ZSCAN18: variants seen among roughly 807,000 people sequenced by gnomAD.
ZSCAN18 encodes zinc finger and SCAN domain-containing protein 18.
A neutral mutation model predicts 31.1 loss-of-function variants in ZSCAN18; 16 were observed. The observed-to-expected ratio is 0.51, with a 90% confidence interval of 0.35 to 0.78. The LOEUF is 0.78. Among genes scored for constraint, ZSCAN18 ranks in the 30% least tolerant of loss-of-function variants. The pLI is 0.01. For missense variants in ZSCAN18, 731 were observed against 697.4 expected, an observed-to-expected ratio of 1.05 and a Z score of -0.54; for synonymous variants, 375 against 320.7, an observed-to-expected ratio of 1.17 and a Z score of -1.81.
At position 58,090,218 on chromosome 19, in the gene ZSCAN18, G is replaced by C. The variant is rs1307647767; in HGVS notation, c.50C>G (p.Pro17Arg). 6.2e-7 allele frequency: 1 copy of C among 1,613,634 alleles called. No homozygotes were observed. Among genetic ancestry groups the C allele is most frequent in the African/African-American group, 1.3e-5 (1 of 75,060 alleles). Residue 17 changes from proline to arginine, a missense_variant, in exon 2 of 7, where the codon CCG becomes CGG. Around this residue, in one of 4 missense-constraint regions of ZSCAN18, gnomAD observed 86 missense variants for 119.1 expected, o/e 0.72. Transcript: ENST00000601144. The surrounding 1 kb of genome is among the most constrained non-coding windows in gnomAD (Gnocchi z 4.7). ...TGACCCCGGCGTGGGCAGATCCGGC[G>C]GGGCTGGGGAGCTCCTGGGGGAGGC... is the stretch of plus-strand genomic sequence containing the variant. ...AFASPRSSPA[P>R]PDLPTPGSAA...
At chr19:58,107,925 T>C (rs182689586) in intron 1 of ZSCAN18, 222 of 1,075,890 alleles carry the variant, frequency 2.1e-4, no homozygotes, top group African/African-American at 2.0e-3. Context: ...ATTACACTCG[T>C]AGGGCTTCTC....
At chr19:58,086,709 C>T (rs185629103) in intron 5 of ZSCAN18, 197 bp downstream of exon 5, 249 of 569,282 alleles carry the variant, frequency 4.4e-4, no homozygotes, top group African/African-American at 4.0e-3. Context: ...CAGGCAGGGC[C>T]TGGGCAGAAC....
At chr19:58,109,978 G>C (rs951573141) in intron 1 of ZSCAN18, among the ~76,000 whole-genome samples, 1 of 152,196 alleles carries the variant, frequency 6.6e-6, no homozygotes, top group Non-Finnish European at 1.5e-5. Flanking sequence ...AATCTCCTAG[G>C]CTCCTCCCAC....
chr19:58,086,308 C>G, intron 5 of ZSCAN18, 42 bp from the exon 6 acceptor site: 6 of 1,575,912 alleles, frequency 3.8e-6, no homozygotes, highest in South Asian at 1.1e-5. Context: ...GGCATCAACA[C>G]AGAGTGGCTG....
intron 3 of ZSCAN18, 102 bp from the exon 4 acceptor site, chr19:58,087,506 G>T: frequency 9.7e-7 from 1 of 1,026,782 alleles, no homozygotes; most frequent in Non-Finnish European, 1.4e-6. Context: ...GCCCCAGTGT[G>T]CTTCTGTGAC....
chr19:58,110,985 A>T (rs1025741731), intron 1 of ZSCAN18, among the ~76,000 whole-genome samples: 1 of 152,032 alleles, frequency 6.6e-6, no homozygotes, highest in Non-Finnish European at 1.5e-5. Context: ...TGGCTAACAC[A>T]GTGAAACCCC....
intron 1 of ZSCAN18, among the ~76,000 whole-genome samples, chr19:58,117,913 C>A (rs1371837108): frequency 6.6e-6 from 1 of 151,920 alleles, no homozygotes; most frequent in Non-Finnish European, 1.5e-5. Context: ...GGAGTTGGCA[C>A]CGCACTGGGG....
At chr19:58,099,263 C>T (rs895451501), upstream of ZSCAN18, among the ~76,000 whole-genome samples, 2 of 152,146 alleles carry the variant, frequency 1.3e-5, no homozygotes, top group Non-Finnish European at 2.9e-5. Flanking sequence ...GGTAGTCACT[C>T]CCTCCCCACC....
intron 1 of ZSCAN18, among the ~76,000 whole-genome samples, chr19:58,095,540 G>A (rs1479439317): frequency 6.6e-6 from 1 of 152,190 alleles, no homozygotes; most frequent in African/African-American, 2.4e-5. Context: ...CTCCACAGTG[G>A]GCAGATCCCA....
chr19:58,112,317 G>T (rs1206888769), intron 1 of ZSCAN18, among the ~76,000 whole-genome samples: 4 of 152,102 alleles, frequency 2.6e-5, no homozygotes, highest in Admixed American at 2.0e-4. Context: ...TTACAGGTGT[G>T]AGCCATTGCG....
intron 6 of ZSCAN18, chr19:58,085,775 G>C (rs894512707): frequency 7.3e-5 from 23 of 316,410 alleles, no homozygotes; most frequent in African/African-American, 4.3e-4. Flanking sequence ...GAAGAGAGTG[G>C]GGTCAATAGC....
chr19:58,084,976 G>T lies in ZSCAN18; in HGVS notation c.1242C>A (p.Ala414=). Residue 414 remains alanine (A), a synonymous_variant, in exon 7 of 7, where the codon GCC becomes GCA. Transcript: ENST00000601144. The surrounding 1 kb of genome is among the most constrained non-coding windows in gnomAD (Gnocchi z 4.5). Reference sequence around the variant, plus strand: ...CGAAGGCCTCCCCGCACTCGCCGCAGGCATAGGGCTTCCCGCGGGACAAGC... The same window carrying T: ...CGAAGGCCTCCCCGCACTCGCCGCATGCATAGGGCTTCCCGCGGGACAAGC... ...EPGLSRGKPY[A]CGECGEAFAW... 1 of 1,599,680 alleles carries T rather than the reference G, an allele frequency of 6.3e-7. No individual in the cohort carries two copies. The highest frequency in any genetic ancestry group is 8.5e-7 in the Non-Finnish European group (1 of 1,174,568).
chr19:58,089,534 G>A (rs943426413), intron 2 of ZSCAN18, among the ~76,000 whole-genome samples: 1 of 152,158 alleles, frequency 6.6e-6, no homozygotes, highest in Non-Finnish European at 1.5e-5. Flanking sequence ...GCTGAGGCAG[G>A]AGAATTGCTT....
chr19:58,105,435 G>C (rs754309548), intron 1 of ZSCAN18, among the ~76,000 whole-genome samples: 2 of 152,158 alleles, frequency 1.3e-5, no homozygotes, highest in African/African-American at 2.4e-5. Flanking sequence ...GCTGAGACAG[G>C]TGGATCACGA....
intron 1 of ZSCAN18, among the ~76,000 whole-genome samples, chr19:58,104,025 C>T (rs1430983415): frequency 6.6e-6 from 1 of 152,184 alleles, no homozygotes; most frequent in African/African-American, 2.4e-5. Flanking sequence ...TAATCCAGAG[C>T]AAGGTCCTGA....
intron 1 of ZSCAN18, among the ~76,000 whole-genome samples, chr19:58,111,570 G>A (rs2074683960): frequency 6.7e-6 from 1 of 150,140 alleles, no homozygotes; most frequent in Non-Finnish European, 1.5e-5. Flanking sequence ...TCACTATGTT[G>A]TCCAGGCTGG....
intron 1 of ZSCAN18, chr19:58,108,056 T>A: frequency 1.0e-6 from 1 of 1,003,026 alleles, no homozygotes; most frequent in Non-Finnish European, 1.2e-6. Flanking sequence ...AGGTACATAA[T>A]CTCAGTGAAA....
At position 58,084,665 on chromosome 19, in the gene ZSCAN18, G is replaced by A. The variant is rs1450733668; in HGVS notation, c.*20C>T. The A allele has an allele frequency of 3.0e-5, 44 of 1,461,150 alleles. No individual in the cohort carries two copies. The highest frequency in any genetic ancestry group is 3.9e-5 in the Non-Finnish European group (44 of 1,114,286). The allele number at this position is 1,461,150 out of a possible 1,614,324, so 90.5% of individuals were successfully genotyped here. On this transcript the variant is annotated 3_prime_UTR_variant, in exon 7 of 7. Transcript: ENST00000601144. The surrounding 1 kb of genome is among the most constrained non-coding windows in gnomAD (Gnocchi z 4.5). ...CACGGCCGGCAAAGCGGCCCCTCCG[G>A]AACGGGACAGCACAGCGGCTCACCT...
Position 58,084,462 on chromosome 19 carries a change from T to C in ZSCAN18, c.*223A>G. The C allele has an allele frequency of 4.3e-6, 2 of 462,210 alleles. No individual in the cohort carries two copies. The highest frequency in any genetic ancestry group is 5.7e-5 in the South Asian group (1 of 17,648). 28.6% of individuals were successfully genotyped at this position (462,210 alleles called of 1,614,324 possible). A position where few individuals can be genotyped will look rare whatever the true frequency, so the allele number is the denominator to read the frequency against. Reference sequence around the variant, plus strand: ...CTTCTTCCACATCCGGCGGCTCCCCTCGGATGCGAGCGCTGGCCCAGGGTG... The same window carrying C: ...CTTCTTCCACATCCGGCGGCTCCCCCCGGATGCGAGCGCTGGCCCAGGGTG... On this transcript the variant is annotated 3_prime_UTR_variant, in exon 7 of 7. Coordinates refer to ENST00000601144, the MANE Select transcript of ZSCAN18 (RefSeq NM_001145543.2). This position sits in a 1 kb window ranked among gnomAD's most constrained non-coding sequence, Gnocchi z 4.5.
Sources: allele counts gnomAD v4.1 joint callset (sites outside exome capture counted in the v4.1 genomes callset), GRCh38; gene constraint gnomAD v4.1.1; regional missense constraint gnomAD v4.1.1; non-coding constraint Gnocchi (gnomAD v3.1); transcripts MANE v1.5; gene names NCBI Gene and HGNC (gene_info 2026-07-23, HGNC 2026-07-21).